The following PREX1 variants were observed in gnomAD, a reference collection of about 807,000 sequenced individuals.
PREX1 encodes the protein phosphatidylinositol-3,4,5-trisphosphate dependent Rac exchange factor 1.
PREX1 carries 41 observed loss-of-function variants against 198.3 expected under a neutral mutation model. The ratio of observed to expected loss-of-function variants is 0.21; its 90% CI spans 0.16 to 0.27. PREX1 has a LOEUF of 0.27. Among genes scored for constraint, PREX1 ranks in the 10% least tolerant of loss-of-function variants. The pLI, the probability that PREX1 is intolerant of heterozygous loss-of-function variation, is 1.00. For synonymous variants in PREX1, 843 were observed against 887.2 expected, an observed-to-expected ratio of 0.95 and a Z score of 0.89; for missense variants, 1,620 against 2,200.7, an observed-to-expected ratio of 0.74 and a Z score of 5.28.
chr20:48,648,922 G>A (rs1479472058), intron 25 of PREX1, among the ~76,000 whole-genome samples: 3 of 146,642 alleles, frequency 2.0e-5, no homozygotes, highest in Middle Eastern at 3.3e-3. Flanking sequence ...GCAAAAGGAC[G>A]GCTTGTACAG....
the PREX1 span, among the ~76,000 whole-genome samples, chr20:48,834,614 C>T: frequency 6.6e-6 from 1 of 152,144 alleles, no homozygotes; most frequent in Non-Finnish European, 1.5e-5. Flanking sequence ...GGCTAGAGTG[C>T]AGTGGCACAA....
At chr20:48,885,176 T>A in the PREX1 span, among the ~76,000 whole-genome samples, 4 of 152,190 alleles carry the variant, frequency 2.6e-5, no homozygotes, top group African/African-American at 9.7e-5. Context: ...CTAGCCACTA[T>A]CATCATCATC....
At chr20:48,716,435 C>G (rs890063382) in intron 5 of PREX1, among the ~76,000 whole-genome samples, 2 of 152,186 alleles carry the variant, frequency 1.3e-5, no homozygotes, top group African/African-American at 4.8e-5. Flanking sequence ...GGCCTCAAAC[C>G]CAAGGGCAAC....
At chr20:48,798,585 T>C (rs921494982) in intron 1 of PREX1, among the ~76,000 whole-genome samples, 1 of 152,190 alleles carries the variant, frequency 6.6e-6, no homozygotes. Context: ...GACAAGTCCT[T>C]TCCCACCTCC....
intron 27 of PREX1, 136 bp from the exon 28 acceptor site, chr20:48,642,625 G>A (rs944954910): frequency 4.0e-6 from 3 of 754,606 alleles, no homozygotes; most frequent in Non-Finnish European, 6.3e-6. Flanking sequence ...ACCAGGTCCT[G>A]GCTGTGAGCC....
At chr20:48,788,050 C>T (rs1306248439) in intron 1 of PREX1, among the ~76,000 whole-genome samples, 1 of 152,196 alleles carries the variant, frequency 6.6e-6, no homozygotes, top group African/African-American at 2.4e-5. Flanking sequence ...TCAGCCACAT[C>T]CAGCCCTAGA....
intron 14 of PREX1, among the ~76,000 whole-genome samples, chr20:48,668,771 G>A (rs541876710): frequency 2.6e-5 from 4 of 152,320 alleles, no homozygotes; most frequent in Middle Eastern, 3.4e-3. Context: ...CCCTGCCAGG[G>A]GTGGTGGCTA....
At chr20:48,744,883 T>C (rs2090100616) in intron 3 of PREX1, 142 bp downstream of exon 3, 1 of 1,089,268 alleles carries the variant, frequency 9.2e-7, no homozygotes, top group Non-Finnish European at 1.3e-6. Flanking sequence ...GGATGCAGAC[T>C]GGGCCCACCT....
At chr20:48,856,909 G>A in the PREX1 span, among the ~76,000 whole-genome samples, 2 of 152,106 alleles carry the variant, frequency 1.3e-5, no homozygotes, top group South Asian at 2.1e-4. Flanking sequence ...GCATGATCTC[G>A]GTTCACTGCA....
intron 1 of PREX1, among the ~76,000 whole-genome samples, chr20:48,756,280 C>G (rs6066843): frequency 0.072 from 10,900 of 152,274 alleles, 485 homozygotes; most frequent in South Asian, 0.18. Flanking sequence ...AAACCCTCTC[C>G]ACTCTGTTCC....
chr20:48,660,083 C>T, intron 15 of PREX1, 22 bp from the exon 16 acceptor site: 1 of 1,609,752 alleles, frequency 6.2e-7, no homozygotes, highest in South Asian at 1.1e-5. Flanking sequence ...CAGATGTGCA[C>T]TCAGTGGTCA....
At chr20:48,823,930 G>A (rs1432196747) in intron 1 of PREX1, among the ~76,000 whole-genome samples, 1 of 152,092 alleles carries the variant, frequency 6.6e-6, no homozygotes, top group Non-Finnish European at 1.5e-5. Context: ...CCTCTCAATG[G>A]GGATAAAAAC....
chr20:48,716,275 C>T (rs1236476019), intron 5 of PREX1, among the ~76,000 whole-genome samples: 6 of 152,198 alleles, frequency 3.9e-5, no homozygotes, highest in Admixed American at 3.9e-4. Context: ...GAAGCCTGGG[C>T]TTCCGCGAGA....
At chr20:48,766,025 A>G (rs1423474039) in intron 1 of PREX1, among the ~76,000 whole-genome samples, 1 of 150,550 alleles carries the variant, frequency 6.6e-6, no homozygotes, top group Non-Finnish European at 1.5e-5. Flanking sequence ...CCTTACGAGA[A>G]TCTAATGCCT....
intron 14 of PREX1, among the ~76,000 whole-genome samples, chr20:48,668,361 C>T (rs1186894452): frequency 2.0e-5 from 3 of 152,328 alleles, no homozygotes; most frequent in Non-Finnish European, 2.9e-5. Flanking sequence ...GTGCTGGGAA[C>T]GGGGCTGACC....
At chr20:48,888,111 T>A in the PREX1 span, among the ~76,000 whole-genome samples, 5 of 152,194 alleles carry the variant, frequency 3.3e-5, no homozygotes, top group African/African-American at 1.2e-4. Flanking sequence ...GTTCCACATG[T>A]CTGGGGAATT....
intron 32 of PREX1, among the ~76,000 whole-genome samples, chr20:48,635,760 G>A (rs568647566): frequency 6.6e-6 from 1 of 152,334 alleles, no homozygotes; most frequent in Middle Eastern, 3.4e-3. Flanking sequence ...CAACTAGGAA[G>A]TCAGCTTCAG....
chr20:48,812,569 A>G (rs1430206602), intron 1 of PREX1, among the ~76,000 whole-genome samples: 1 of 152,010 alleles, frequency 6.6e-6, no homozygotes, highest in Admixed American at 6.6e-5. Context: ...TTAGTATAAT[A>G]ATTCTTATAA....
intron 1 of PREX1, among the ~76,000 whole-genome samples, chr20:48,784,507 T>TGTTAG (rs2090303310): frequency 1.3e-5 from 2 of 152,194 alleles, no homozygotes; most frequent in South Asian, 4.1e-4. Flanking sequence ...AATATTGCTA[T>TGTTAG]GTTAGGGCCC....
Sources: gnomAD v4.1 joint callset for allele counts (sites outside exome capture counted in the v4.1 genomes callset) on GRCh38, gnomAD v4.1.1 for gene constraint, MANE v1.5 for transcripts, NCBI Gene and HGNC (gene_info 2026-07-23, HGNC 2026-07-21) for gene names.